The following ANK3 variants were observed in gnomAD, a reference collection of about 807,000 sequenced individuals.
ANK3 encodes ankyrin-3.
In ANK3, 57 loss-of-function variants were observed where a neutral mutation model predicts 370.9. The ratio of observed to expected loss-of-function variants is 0.15; its 90% confidence interval spans 0.12 to 0.19. The LOEUF (loss-of-function observed/expected upper bound fraction) is 0.19, where lower values mean the gene tolerates loss of function less well. Ranked by LOEUF, ANK3 falls within the 10% of genes least tolerant of loss-of-function variation. The probability of loss-of-function intolerance (pLI) is 1.00; values close to 1 mark genes in which losing one functional copy is unlikely to be tolerated. For synonymous variants in ANK3, 1,929 were observed against 1,946.3 expected (o/e 0.99, Z 0.23); for missense variants, 4,439 against 5,302.1 (o/e 0.84, Z 5.06).
chr10:60,090,968 G>A (rs549970606), intron 28 of ANK3, among the ~76,000 whole-genome samples: 5 of 152,168 alleles, frequency 3.3e-5, no homozygotes, highest in East Asian at 1.9e-4. Flanking sequence ...GCAATGGCAC[G>A]ATCTCGGCTC....
chr10:60,143,716 T>A (rs2094676981), intron 23 of ANK3, among the ~76,000 whole-genome samples: 1 of 152,252 alleles, frequency 6.6e-6, no homozygotes, highest in Non-Finnish European at 1.5e-5. Flanking sequence ...CCTTGCATAG[T>A]ACCCCTAAAT....
chr10:60,247,978 T>C (rs1018998446), intron 7 of ANK3, among the ~76,000 whole-genome samples: 2 of 152,210 alleles, frequency 1.3e-5, no homozygotes, highest in African/African-American at 4.8e-5. Flanking sequence ...GCATAATGTC[T>C]TAAGGTTCAT....
At chr10:60,429,094 T>C (rs1321322466) in intron 2 of ANK3, among the ~76,000 whole-genome samples, 1 of 152,164 alleles carries the variant, frequency 6.6e-6, no homozygotes, top group Non-Finnish European at 1.5e-5. Flanking sequence ...AGGGACCCCA[T>C]CTCAGGTATT....
At chr10:60,718,445 G>A (rs1310197525) in intron 1 of ANK3, among the ~76,000 whole-genome samples, 1 of 151,980 alleles carries the variant, frequency 6.6e-6, no homozygotes, top group Non-Finnish European at 1.5e-5. Flanking sequence ...AATGGGAGGA[G>A]TCAATGATAC....
rs192448661 is a variant in ANK3, at chr10:60,355,779, G to A, written c.114+33646C>T. Among the ~76,000 whole-genome samples, 130 of 152,210 alleles carry A rather than the reference G, an allele frequency of 8.5e-4. 1 individual carries two copies. The highest frequency in any genetic ancestry group is 2.0e-3 in the African/African-American group (84 of 41,520). On this transcript the variant is annotated intron_variant, in intron 1 of 43. Coordinates refer to ENST00000280772, the MANE Select transcript of ANK3 (RefSeq NM_020987.5). The stretch of plus-strand genomic sequence containing the variant: ...TTAATGTGCCTACAATTAGTCAGTC[G>A]TATTTTGCCACCTCACAACTTTAAA...
intron 18 of ANK3, among the ~76,000 whole-genome samples, chr10:60,176,778 T>C (rs1483731298): frequency 6.6e-6 from 1 of 151,832 alleles, no homozygotes; most frequent in Non-Finnish European, 1.5e-5. Flanking sequence ...AATAAATAAA[T>C]AAAATAAACA....
chr10:60,257,814 A>T lies in ANK3; in HGVS notation c.798+4045T>A, dbSNP rs575270647. On this transcript the variant is annotated intron_variant, in intron 7 of 43. Coordinates refer to ENST00000280772, the MANE Select transcript of ANK3 (RefSeq NM_020987.5). ...CAAATGAGGTATAGAATCCAAACAC[A>T]TAAATCCCTAATCCTTTCAGAGATC... Among the ~76,000 whole-genome samples the T allele has an allele frequency of 3.9e-5, 6 of 152,348 alleles. No individual in the cohort carries two copies. The East Asian group carries it at 7.7e-4, about 20-fold the overall frequency.
intron 2 of ANK3, chr10:60,507,669 T>C (rs950690476): frequency 6.6e-6 from 1 of 152,056 alleles, no homozygotes; most frequent in Non-Finnish European, 1.5e-5. Context: ...CCATTCTCAA[T>C]GTAAAGAAAT....
intron 23 of ANK3, chr10:60,140,149 A>G: frequency 1.7e-6 from 1 of 591,390 alleles, no homozygotes; most frequent in Admixed American, 3.2e-5. Context: ...GCAAGAGCTC[A>G]GCTTTTAAAC....
At chr10:60,206,679 C>T (rs2096768319) in intron 10 of ANK3, among the ~76,000 whole-genome samples, 1 of 152,130 alleles carries the variant, frequency 6.6e-6, no homozygotes, top group African/African-American at 2.4e-5. Flanking sequence ...GTGTTTACTC[C>T]AAGCATGCAG....
At chr10:60,539,756 G>A (rs1466392343) in intron 2 of ANK3, among the ~76,000 whole-genome samples, 1 of 151,906 alleles carries the variant, frequency 6.6e-6, no homozygotes, top group Non-Finnish European at 1.5e-5. Context: ...AAGACAAAGA[G>A]GTGTCTTCTA....
Position 60,100,234 on chromosome 10 carries a change from G to GTTTTC in ANK3, c.3328+5670_3328+5671insGAAAA, listed in dbSNP as rs2090966531. Among the ~76,000 whole-genome samples, 9 of 57,900 alleles carry GTTTTC rather than the reference G, an allele frequency of 1.6e-4. No homozygotes were observed. The South Asian group carries it at 7.5e-3, about 48-fold the overall frequency. The allele number at this position is 57,900 out of a possible 152,430, so 38.0% of individuals were successfully genotyped here. A position where few individuals can be genotyped will look rare whatever the true frequency, so the allele number is the denominator to read the frequency against. ...GGCTGAAAGTCAGTATTTTGCTATG[G>GTTTTC]TTTTTTTTTTTTTTTTTTTTTTGCA... On this transcript the variant is annotated intron_variant, in intron 28 of 43. Transcript: ENST00000280772.
intron 2 of ANK3, among the ~76,000 whole-genome samples, chr10:60,479,646 G>T (rs1055124941): frequency 2.0e-5 from 3 of 151,974 alleles, no homozygotes; most frequent in Admixed American, 2.0e-4. Flanking sequence ...TCTTTACTAT[G>T]AGGCTATCAT....
At chr10:60,065,866 T>C (rs2081538991) in intron 38 of ANK3, among the ~76,000 whole-genome samples, 3 of 152,172 alleles carry the variant, frequency 2.0e-5, no homozygotes, top group African/African-American at 4.8e-5. Flanking sequence ...AAAACCACCA[T>C]CATAAGGTAC....
chr10:60,472,466 G>A (rs888828368), intron 2 of ANK3, among the ~76,000 whole-genome samples: 3 of 152,134 alleles, frequency 2.0e-5, no homozygotes, highest in African/African-American at 7.2e-5. Context: ...TTCGGATAAA[G>A]GTTTCTGTGA....
chr10:60,397,966 A>T (rs190586979), intron 2 of ANK3, among the ~76,000 whole-genome samples: 2 of 152,308 alleles, frequency 1.3e-5, no homozygotes, highest in East Asian at 3.9e-4. Flanking sequence ...TCGTTGATTC[A>T]GGCAGATTTC....
intron 38 of ANK3, 73 bp downstream of exon 38, chr10:60,067,862 T>C (rs1334686251): frequency 4.4e-5 from 55 of 1,250,844 alleles, no homozygotes; most frequent in Non-Finnish European, 6.1e-5. Context: ...AAAATATATA[T>C]ATTGAACTGC....
At chr10:60,418,923 T>C (rs2047589621) in intron 2 of ANK3, among the ~76,000 whole-genome samples, 1 of 152,204 alleles carries the variant, frequency 6.6e-6, no homozygotes, top group African/African-American at 2.4e-5. Context: ...ATTCTAAATC[T>C]ATATTCTTTT....
At chr10:60,244,402 T>C (rs1424840144) in intron 7 of ANK3, among the ~76,000 whole-genome samples, 2 of 152,204 alleles carry the variant, frequency 1.3e-5, no homozygotes, top group African/African-American at 2.4e-5. Context: ...TACAGCCTTT[T>C]AGTTTGGTTC....
Sources: allele counts gnomAD v4.1 joint callset (sites outside exome capture counted in the v4.1 genomes callset), GRCh38; gene constraint gnomAD v4.1.1; transcripts MANE v1.5; gene names NCBI Gene and HGNC (gene_info 2026-07-23, HGNC 2026-07-21).